Variants in ABCB4 observed in about 807,000 individuals in gnomAD.
ABCB4 encodes the protein phosphatidylcholine translocator ABCB4.
In ABCB4, 76 loss-of-function variants were observed where a neutral mutation model predicts 145.7. The ratio of observed to expected loss-of-function variants is 0.52; its 90% CI spans 0.43 to 0.63. The LOEUF (loss-of-function observed/expected upper bound fraction) is 0.63, where lower values mean the gene tolerates loss of function less well. ABCB4 is among the 30% of genes least tolerant of loss of function. The pLI, the probability that ABCB4 is intolerant of heterozygous loss-of-function variation, is 0.00. For synonymous variants in ABCB4, 517 were observed against 566.8 expected, an observed-to-expected ratio of 0.91 and a Z score of 1.25; for missense variants, 1,234 against 1,553.1, an observed-to-expected ratio of 0.79 and a Z score of 3.45.
chr7:87,430,299 G>A (rs1810123710), intron 15 of ABCB4, among the ~76,000 whole-genome samples: 1 of 152,086 alleles, frequency 6.6e-6, no homozygotes, highest in Admixed American at 6.5e-5. Flanking sequence ...TATCTGAAAT[G>A]TTAAGAAAAA....
At position 87,420,095 on chromosome 7, in the gene ABCB4, A is replaced by G; in HGVS notation, c.2317-20T>C. ...GAAACCCTGGTTGAGAAAAAAGGCT[A>G]TGGTCTCTTTTGATCTTTATGTATG... On this transcript the variant is annotated intron_variant, in intron 18 of 27. Coordinates refer to ENST00000649586, the MANE Select transcript of ABCB4 (RefSeq NM_000443.4). 1 of 1,612,730 alleles carries G rather than the reference A, an allele frequency of 6.2e-7. No homozygotes were observed. Among genetic ancestry groups the G allele is most frequent in the South Asian group, 1.1e-5 (1 of 91,064 alleles).
At chr7:87,387,173 G>A in the ABCB4 span, among the ~76,000 whole-genome samples, 4,921 of 151,972 alleles carry the variant, frequency 0.032, 247 homozygotes, top group African/African-American at 0.11. Flanking sequence ...ATTGGTACTA[G>A]ATAGTTGTTT....
At chr7:87,450,153 G>C in intron 7 of ABCB4, 61 bp from the exon 8 acceptor site, 2 of 1,603,340 alleles carry the variant, frequency 1.2e-6, no homozygotes, top group Non-Finnish European at 1.7e-6. Context: ...AGGCACTCTG[G>C]TCAACCCTTT....
chr7:87,429,688 C>T (rs1810068632), intron 15 of ABCB4, among the ~76,000 whole-genome samples: 1 of 152,110 alleles, frequency 6.6e-6, no homozygotes, highest in African/African-American at 2.4e-5. Flanking sequence ...TTATGCATTC[C>T]TAACTAGTGA....
At position 87,406,496 on chromosome 7, in the gene ABCB4, T is replaced by G; in HGVS notation, c.3280-2A>C. 1.2e-6 allele frequency: 2 copies of G among 1,611,076 alleles called. No individual in the cohort carries two copies. The highest frequency in any genetic ancestry group is 1.7e-6 in the Non-Finnish European group (2 of 1,178,996). ...CTTTGCTTCTTGACCATCGAGAAGC[T>G]GAAAACCAAAGTCCACAAACTATAA... On this transcript the variant is annotated splice_acceptor_variant, in intron 25 of 27. Coordinates refer to ENST00000649586, the MANE Select transcript of ABCB4 (RefSeq NM_000443.4). LOFTEE classifies it high-confidence loss of function.
intron 15 of ABCB4, 83 bp downstream of exon 15, chr7:87,431,321 G>T: frequency 6.5e-7 from 1 of 1,548,204 alleles, no homozygotes; most frequent in Non-Finnish European, 8.9e-7. Context: ...GCTCAGTATA[G>T]CATTCACTGG....
At position 87,431,647 on chromosome 7, in the gene ABCB4, A is replaced by G; in HGVS notation, c.1732-82T>C. ...ACATGCACAGTTAAGCACTTGGATG[A>G]ATGCTGTTTGTAGATGATTAGAGAG... On this transcript the variant is annotated intron_variant, in intron 14 of 27. Coordinates refer to ENST00000649586, the MANE Select transcript of ABCB4 (RefSeq NM_000443.4). 3 of 1,544,574 alleles carry G rather than the reference A, an allele frequency of 1.9e-6. No homozygotes were observed. The South Asian group carries it at 3.4e-5, about 17-fold the overall frequency.
At chr7:87,456,792 T>A (rs1812130330) in intron 4 of ABCB4, among the ~76,000 whole-genome samples, 1 of 152,040 alleles carries the variant, frequency 6.6e-6, no homozygotes, top group Non-Finnish European at 1.5e-5. Context: ...GGAAATCTAG[T>A]GCTGGGTTAG....
At chr7:87,382,682 C>T in the ABCB4 span, 1 of 781,294 alleles carries the variant, frequency 1.3e-6, no homozygotes, top group South Asian at 2.0e-5. Flanking sequence ...GTACTTCCAT[C>T]AATAGAGTAT....
chr7:87,378,935 T>G, the ABCB4 span, among the ~76,000 whole-genome samples: 8 of 152,230 alleles, frequency 5.3e-5, no homozygotes, highest in African/African-American at 9.6e-5. Flanking sequence ...AGAGCTACAG[T>G]GAAAAGTTGC....
rs45554331 is a variant in ABCB4 at position 87,401,960 on chromosome 7, T to A, written c.*136A>T. ...TTCAAATGCCGTAATAAACCCCAAATTGGGTCTTCTAAATTGATCTAGAAT... is the reference window on the plus strand; with the variant it reads ...TTCAAATGCCGTAATAAACCCCAAAATGGGTCTTCTAAATTGATCTAGAAT... On this transcript the variant is annotated 3_prime_UTR_variant, in exon 28 of 28. Transcript: ENST00000649586. The A allele has an allele frequency of 2.6e-5, 32 of 1,214,520 alleles. No homozygotes were observed. Among genetic ancestry groups the A allele is most frequent in the South Asian group, 1.0e-4 (8 of 77,064 alleles). 75.2% of individuals were successfully genotyped at this position (1,214,520 alleles called of 1,614,324 possible).
chr7:87,400,068 G>A (rs1807714008), downstream of ABCB4, among the ~76,000 whole-genome samples: 1 of 152,148 alleles, frequency 6.6e-6, no homozygotes, highest in Admixed American at 6.6e-5. Flanking sequence ...TGATCATCTA[G>A]TATTCAGAAT....
chr7:87,466,991 C>A (rs1812951118), intron 3 of ABCB4, among the ~76,000 whole-genome samples: 1 of 152,166 alleles, frequency 6.6e-6, no homozygotes, highest in African/African-American at 2.4e-5. Context: ...ACTGCATCAA[C>A]TAATGAGCAA....
At chr7:87,369,377 G>A in the ABCB4 span, 69 of 1,606,630 alleles carry the variant, frequency 4.3e-5, no homozygotes, top group African/African-American at 7.5e-4. Context: ...TGTTTCCAGA[G>A]AGTGAAGGGC....
chr7:87,429,745 G>A (rs942377553), intron 15 of ABCB4, among the ~76,000 whole-genome samples: 3 of 152,076 alleles, frequency 2.0e-5, no homozygotes, highest in Non-Finnish European at 4.4e-5. Context: ...GTAGCATTCG[G>A]CAGAGACACT....
At chr7:87,389,837 G>A in the ABCB4 span, among the ~76,000 whole-genome samples, 14 of 152,072 alleles carry the variant, frequency 9.2e-5, no homozygotes, top group African/African-American at 3.4e-4. Flanking sequence ...GTTGTTCCTA[G>A]CATTAAGACT....
At chr7:87,385,425 C>T in the ABCB4 span, among the ~76,000 whole-genome samples, 2 of 151,740 alleles carry the variant, frequency 1.3e-5, no homozygotes, top group Non-Finnish European at 2.9e-5. Context: ...TCAGTTGATT[C>T]CTAGGTATTT....
intron 14 of ABCB4, among the ~76,000 whole-genome samples, chr7:87,433,486 C>G (rs1457591111): frequency 6.6e-6 from 1 of 151,932 alleles, no homozygotes; most frequent in African/African-American, 2.4e-5. Context: ...ACTATATTAT[C>G]ATGATGATGA....
chr7:87,400,664 A>G (rs1365129776), downstream of ABCB4, among the ~76,000 whole-genome samples: 1 of 152,224 alleles, frequency 6.6e-6, no homozygotes, highest in Non-Finnish European at 1.5e-5. Flanking sequence ...CCAAATTTGA[A>G]CACCAGAAAT....
Sources: allele counts gnomAD v4.1 joint callset (sites outside exome capture counted in the v4.1 genomes callset), GRCh38; gene constraint gnomAD v4.1.1; transcripts MANE v1.5; gene names NCBI Gene and HGNC (gene_info 2026-07-23, HGNC 2026-07-21).